AHCYL1: variants seen among roughly 807,000 people sequenced by gnomAD.
AHCYL1 encodes S-adenosylhomocysteine hydrolase-like protein 1.
In AHCYL1, 20 loss-of-function variants were observed where a neutral mutation model predicts 79.3. The ratio of observed to expected loss-of-function variants is 0.25; its 90% CI spans 0.18 to 0.37. The LOEUF is 0.37. AHCYL1 is among the 10% of genes least tolerant of loss of function. AHCYL1 has a pLI of 1.00. For missense variants in AHCYL1, 330 were observed against 673.6 expected (o/e 0.49, Z 5.65); for synonymous variants, 223 against 242.2 (o/e 0.92, Z 0.74).
At chr1:110,015,633 G>A (rs1374245702) in intron 7 of AHCYL1, 102 bp downstream of exon 7, 14 of 868,690 alleles carry the variant, frequency 1.6e-5, no homozygotes, top group Admixed American at 2.5e-5. Flanking sequence ...TAACTAAATG[G>A]GAATATCTTC....
intron 10 of AHCYL1, 145 bp downstream of exon 10, chr1:110,017,728 C>G: frequency 9.7e-7 from 1 of 1,029,180 alleles, no homozygotes; most frequent in African/African-American, 1.6e-5. Context: ...CACTCTAACC[C>G]TAGGGCTCTC....
chr1:109,984,926 C>T lies in AHCYL1; in HGVS notation c.-127C>T, dbSNP rs1261017804. On this transcript the variant is annotated 5_prime_UTR_variant, in exon 1 of 17. Coordinates refer to ENST00000369799, the MANE Select transcript of AHCYL1 (RefSeq NM_006621.7). ...CAGCACCTCAGAAGCCGACGCAGCTCGACGCAGGGGCCGGCAGGAGGGTGG... is the reference window on the plus strand; with the variant it reads ...CAGCACCTCAGAAGCCGACGCAGCTTGACGCAGGGGCCGGCAGGAGGGTGG... 3.1e-6 allele frequency: 4 copies of T among 1,310,242 alleles called. No homozygotes were observed. Among genetic ancestry groups the T allele is most frequent in the Non-Finnish European group, 3.9e-6 (4 of 1,027,926 alleles). 81.2% of individuals were successfully genotyped at this position (1,310,242 alleles called of 1,614,324 possible).
chr1:110,012,489 C>T (rs1167692712), intron 4 of AHCYL1, 27 bp downstream of exon 4: 1 of 1,536,134 alleles, frequency 6.5e-7, no homozygotes, highest in Non-Finnish European at 8.8e-7. Flanking sequence ...AAAAGAGGGA[C>T]TTCTGATAAG....
chr1:110,017,246 C>G (rs1413108228), intron 9 of AHCYL1, among the ~76,000 whole-genome samples: 3 of 152,124 alleles, frequency 2.0e-5, no homozygotes, highest in African/African-American at 7.2e-5. Context: ...TCTTGTTTCC[C>G]TGATGAAAAC....
intron 1 of AHCYL1, 54 bp from the exon 2 acceptor site, chr1:110,008,979 AC>A (rs1029226397): frequency 3.8e-5 from 53 of 1,408,486 alleles, no homozygotes; most frequent in Non-Finnish European, 4.4e-5. Context: ...AAAAAAAAAA[AC>A]ATTTCATGGA....
chr1:109,996,098 A>G (rs564485078), intron 1 of AHCYL1, among the ~76,000 whole-genome samples: 3 of 152,150 alleles, frequency 2.0e-5, no homozygotes, highest in Non-Finnish European at 4.4e-5. Flanking sequence ...TCCCAGCTAC[A>G]CAGAAGGCTG....
At chr1:109,991,682 C>G in intron 1 of AHCYL1, among the ~76,000 whole-genome samples, 1 of 152,174 alleles carries the variant, frequency 6.6e-6, no homozygotes, top group Non-Finnish European at 1.5e-5. Context: ...TCCCTCTGAG[C>G]CTGTGTGCCA....
At chr1:110,012,493 T>C (rs1356005673) in intron 4 of AHCYL1, 31 bp downstream of exon 4, 1 of 1,531,580 alleles carries the variant, frequency 6.5e-7, no homozygotes. Flanking sequence ...GAGGGACTTC[T>C]GATAAGGGGA....
intron 1 of AHCYL1, among the ~76,000 whole-genome samples, chr1:109,988,853 C>T (rs12089207): frequency 0.03 from 4,550 of 152,308 alleles, 237 homozygotes; most frequent in African/African-American, 0.1. Flanking sequence ...ACTTAGGAAG[C>T]ACACCAAGTA....
Position 110,014,921 on chromosome 1 carries a change from A to G in AHCYL1, c.675+64A>G, listed in dbSNP as rs1022294645. On this transcript the variant is annotated intron_variant, in intron 6 of 16. Transcript: ENST00000369799. ...TTATTTCCTTTTTTTCCCTCAAAGC[A>G]TGGTTCCCTAAATATGTTTTGGATG... 2.1e-6 allele frequency: 3 copies of G among 1,458,334 alleles called. No homozygotes were observed. The African/African-American group carries it at 4.2e-5, about 20-fold the overall frequency. The allele number at this position is 1,458,334 out of a possible 1,614,324, so 90.3% of individuals were successfully genotyped here.
Position 110,018,050 on chromosome 1 carries a change from A to G in AHCYL1, c.1123+34A>G, listed in dbSNP as rs909471451. ...CTTGCATAGAGAAGTGTTTATTCAG[A>G]GGCTAAATCTTGAAAGTAGTCTGAG... On this transcript the variant is annotated intron_variant, in intron 11 of 16. Coordinates refer to ENST00000369799, the MANE Select transcript of AHCYL1 (RefSeq NM_006621.7). 23 of 1,610,072 alleles carry G rather than the reference A, an allele frequency of 1.4e-5. No individual in the cohort carries two copies. In the Admixed American group the frequency reaches 3.2e-4, roughly 22 times the overall value.
chr1:110,018,080 T>G, intron 11 of AHCYL1, 64 bp downstream of exon 11: 1 of 1,553,634 alleles, frequency 6.4e-7, no homozygotes, highest in Non-Finnish European at 8.9e-7. Context: ...TCTGAGTGAC[T>G]TTCATACAAA....
At chr1:110,007,893 G>T (rs1650761211) in intron 1 of AHCYL1, among the ~76,000 whole-genome samples, 1 of 152,076 alleles carries the variant, frequency 6.6e-6, no homozygotes, top group African/African-American at 2.4e-5. Context: ...TGTAATAAAA[G>T]TGTTACACAC....
At position 110,017,599 on chromosome 1, in the gene AHCYL1, T is replaced by G. The variant is rs528274229; in HGVS notation, c.1052+16T>G. 3.1e-6 allele frequency: 5 copies of G among 1,604,502 alleles called. No homozygotes were observed. Among genetic ancestry groups the G allele is most frequent in the Middle Eastern group, 1.7e-4 (1 of 6,036 alleles). On this transcript the variant is annotated intron_variant, in intron 10 of 16. Coordinates refer to ENST00000369799, the MANE Select transcript of AHCYL1 (RefSeq NM_006621.7). ...TGCAGGCCTGGTAAGAACAGAGTGA[T>G]AATACTATTAGATTCACTCTAGGTG... is the stretch of plus-strand genomic sequence containing the variant.
At position 110,023,581 on chromosome 1, in the gene AHCYL1, A is replaced by G. The variant is rs901693320; in HGVS notation, c.*1901A>G. ...TCTCTGTCAAGCCATGTAACAAAGGACACTGTTAAAAAAAAAAAAAAGTCT... is the reference window on the plus strand; with the variant it reads ...TCTCTGTCAAGCCATGTAACAAAGGGCACTGTTAAAAAAAAAAAAAAGTCT... On this transcript the variant is annotated 3_prime_UTR_variant, in exon 17 of 17. Coordinates refer to ENST00000369799, the MANE Select transcript of AHCYL1 (RefSeq NM_006621.7). 1 of 151,836 alleles carries G rather than the reference A, an allele frequency of 6.6e-6. No individual in the cohort carries two copies. Among genetic ancestry groups the G allele is most frequent in the Non-Finnish European group, 1.5e-5 (1 of 67,992 alleles). 9.4% of individuals were successfully genotyped at this position (151,836 alleles called of 1,614,324 possible). A position where few individuals can be genotyped will look rare whatever the true frequency, so the allele number is the denominator to read the frequency against.
chr1:110,016,329 C>T lies in AHCYL1; in HGVS notation c.783-15C>T. 6.3e-7 allele frequency: 1 copy of T among 1,583,918 alleles called. No individual in the cohort carries two copies. Among genetic ancestry groups the T allele is most frequent in the South Asian group, 1.2e-5 (1 of 86,358 alleles). On this transcript the variant is annotated splice_polypyrimidine_tract_variant and intron_variant, in intron 7 of 16. Transcript: ENST00000369799. The stretch of plus-strand genomic sequence containing the variant: ...CTTGGTTTTTGTTTGTTTTTGTGAC[C>T]TCTTCTCTCTTTAGGCTGTATCAGC...
intron 5 of AHCYL1, among the ~76,000 whole-genome samples, chr1:110,013,224 C>T (rs1212218492): frequency 6.6e-6 from 1 of 152,124 alleles, no homozygotes; most frequent in Non-Finnish European, 1.5e-5. Flanking sequence ...AATCTAATGG[C>T]ATGGGGTCAT....
At chr1:109,999,784 G>T (rs1039553756) in intron 1 of AHCYL1, among the ~76,000 whole-genome samples, 1 of 151,660 alleles carries the variant, frequency 6.6e-6, no homozygotes, top group Non-Finnish European at 1.5e-5. Flanking sequence ...TGGAGACAGG[G>T]TCTTGCTCTG....
rs1651662822 is a variant in AHCYL1, at chr1:110,019,641, G to C, written c.1465+15G>C. The C allele has an allele frequency of 1.9e-6, 3 of 1,606,738 alleles. No individual in the cohort carries two copies. Among genetic ancestry groups the C allele is most frequent in the Middle Eastern group, 1.7e-4 (1 of 6,028 alleles). ...TAAGAAAATGGGTGAGTGAAAAACA[G>C]TGGAAATCTATGCAGACAGCTGCAT... is the stretch of plus-strand genomic sequence containing the variant. On this transcript the variant is annotated intron_variant, in intron 15 of 16. Transcript: ENST00000369799.
Sources: gnomAD v4.1 joint callset for allele counts (sites outside exome capture counted in the v4.1 genomes callset) on GRCh38, gnomAD v4.1.1 for gene constraint, MANE v1.5 for transcripts, NCBI Gene and HGNC (gene_info 2026-07-23, HGNC 2026-07-21) for gene names.